Variants in DENND1A observed in about 807,000 individuals in gnomAD.
DENND1A encodes the protein DENN domain-containing protein 1A.
DENND1A carries 51 observed loss-of-function variants against 113.7 expected under a neutral mutation model. The ratio of observed to expected loss-of-function variants is 0.45; its 90% CI spans 0.36 to 0.57. DENND1A has a LOEUF of 0.57. Ranked by LOEUF, DENND1A falls within the 20% of genes least tolerant of loss-of-function variation. The pLI, the probability that DENND1A is intolerant of heterozygous loss-of-function variation, is 0.00. For synonymous variants in DENND1A, 565 were observed against 570.8 expected, an observed-to-expected ratio of 0.99 and a Z score of 0.14; for missense variants, 1,258 against 1,395.9, an observed-to-expected ratio of 0.90 and a Z score of 1.57.
intron 2 of DENND1A, among the ~76,000 whole-genome samples, chr9:123,848,249 A>C (rs1034715276): frequency 2.2e-4 from 33 of 150,602 alleles, no homozygotes; most frequent in Non-Finnish European, 3.1e-4. Flanking sequence ...AAAAAAAAAA[A>C]AAAAAAAACA....
intron 5 of DENND1A, among the ~76,000 whole-genome samples, chr9:123,752,642 T>C (rs2070154392): frequency 6.6e-6 from 1 of 152,238 alleles, no homozygotes; most frequent in Admixed American, 6.5e-5. Context: ...GAACTAGAAG[T>C]TGGCTAGAAA....
At chr9:123,687,258 C>T (rs1260717171) in intron 5 of DENND1A, among the ~76,000 whole-genome samples, 2 of 152,216 alleles carry the variant, frequency 1.3e-5, no homozygotes, top group Non-Finnish European at 2.9e-5. Flanking sequence ...GATCAGAGAG[C>T]TCTGAACTTG....
chr9:123,384,470 C>T (rs1439047084), intron 22 of DENND1A, among the ~76,000 whole-genome samples: 2 of 152,228 alleles, frequency 1.3e-5, no homozygotes, highest in African/African-American at 4.8e-5. Context: ...GGACCTTTGG[C>T]AGGTCACTTA....
At chr9:123,790,644 T>TACTTGTAAG (rs1234065024) in intron 3 of DENND1A, among the ~76,000 whole-genome samples, 2 of 152,206 alleles carry the variant, frequency 1.3e-5, no homozygotes, top group African/African-American at 4.8e-5. Flanking sequence ...ATATATGAAA[T>TACTTGTAAG]ACTTGTAAGA....
chr9:123,566,684 T>C (rs1278494602), intron 12 of DENND1A, among the ~76,000 whole-genome samples: 2 of 152,138 alleles, frequency 1.3e-5, no homozygotes, highest in Non-Finnish European at 2.9e-5. Context: ...GTTTCCACTA[T>C]CTGCCAAATA....
chr9:123,739,101 G>A (rs2068792121), intron 5 of DENND1A, among the ~76,000 whole-genome samples: 2 of 152,038 alleles, frequency 1.3e-5, no homozygotes, highest in Non-Finnish European at 2.9e-5. Flanking sequence ...CATAATCATT[G>A]TTCTCCATAC....
chr9:123,750,408 C>T (rs1222256542), intron 5 of DENND1A, among the ~76,000 whole-genome samples: 1 of 152,158 alleles, frequency 6.6e-6, no homozygotes, highest in Non-Finnish European at 1.5e-5. Context: ...TTCTGAAGAG[C>T]ACCCCATGCC....
intron 1 of DENND1A, among the ~76,000 whole-genome samples, chr9:123,894,213 G>A (rs1424893145): frequency 1.3e-5 from 2 of 152,208 alleles, no homozygotes. Context: ...GGAGAGAGAT[G>A]AGTAAGTGAC....
At chr9:123,565,402 G>A (rs144459639) in intron 12 of DENND1A, among the ~76,000 whole-genome samples, 1 of 152,364 alleles carries the variant, frequency 6.6e-6, no homozygotes, top group African/African-American at 2.4e-5. Context: ...CCCGGCTCAA[G>A]TTAGTCTGTG....
At chr9:123,469,416 G>A (rs1200958675) in intron 13 of DENND1A, among the ~76,000 whole-genome samples, 2 of 152,260 alleles carry the variant, frequency 1.3e-5, no homozygotes, top group Non-Finnish European at 2.9e-5. Context: ...ATTGACAGAA[G>A]CCCCCACACG....
intron 23 of DENND1A, 57 bp downstream of exon 23, chr9:123,383,598 C>A (rs2042398429): frequency 6.4e-7 from 1 of 1,569,362 alleles, no homozygotes; most frequent in Non-Finnish European, 8.6e-7. Context: ...GGGGATCCCA[C>A]CTCGTGTGCG....
At chr9:123,798,415 G>C (rs1834095003) in intron 2 of DENND1A, 1 of 152,116 alleles carries the variant, frequency 6.6e-6, no homozygotes, top group Non-Finnish European at 1.5e-5. Flanking sequence ...TATGAATGTA[G>C]TACAGTTACC....
intron 19 of DENND1A, among the ~76,000 whole-genome samples, chr9:123,429,215 A>G (rs1165716881): frequency 2.6e-5 from 4 of 152,164 alleles, no homozygotes; most frequent in African/African-American, 7.2e-5. Context: ...ACAGAATATA[A>G]CCTCAGAAAT....
intron 11 of DENND1A, among the ~76,000 whole-genome samples, chr9:123,592,231 T>C (rs1427364018): frequency 6.6e-6 from 1 of 152,202 alleles, no homozygotes; most frequent in East Asian, 1.9e-4. Context: ...ACTAAGGAAT[T>C]AAACAGCTGA....
At chr9:123,691,092 A>T (rs1377852202) in intron 5 of DENND1A, among the ~76,000 whole-genome samples, 1 of 152,214 alleles carries the variant, frequency 6.6e-6, no homozygotes, top group Non-Finnish European at 1.5e-5. Context: ...GTTGAGAGGG[A>T]ATAAATGGGG....
intron 4 of DENND1A, among the ~76,000 whole-genome samples, chr9:123,768,708 G>A (rs995323501): frequency 6.6e-6 from 1 of 151,254 alleles, no homozygotes; most frequent in African/African-American, 2.4e-5. Flanking sequence ...AAAAACTAAT[G>A]ATTCAACTGT....
intron 19 of DENND1A, among the ~76,000 whole-genome samples, chr9:123,416,330 C>A (rs555377687): frequency 6.6e-6 from 1 of 152,278 alleles, no homozygotes; most frequent in Admixed American, 6.5e-5. Flanking sequence ...GTAAAGCGAG[C>A]TGCTCAACAC....
At chr9:123,568,800 G>GA (rs34187601) in intron 12 of DENND1A, among the ~76,000 whole-genome samples, 23 of 149,086 alleles carry the variant, frequency 1.5e-4, no homozygotes, top group East Asian at 3.9e-4. Flanking sequence ...CTCAGGGGAG[G>GA]AAAAAAAAAC....
chr9:123,435,637 G>T (rs952871612), intron 19 of DENND1A, among the ~76,000 whole-genome samples: 1 of 152,206 alleles, frequency 6.6e-6, no homozygotes, highest in Non-Finnish European at 1.5e-5. Context: ...CAAAGAAGGG[G>T]GCCCTGGAAG....
Sources: allele counts gnomAD v4.1 joint callset (sites outside exome capture counted in the v4.1 genomes callset), GRCh38; gene constraint gnomAD v4.1.1; transcripts MANE v1.5; gene names NCBI Gene and HGNC (gene_info 2026-07-23, HGNC 2026-07-21).